Variants in EDA observed in about 807,000 individuals in gnomAD.
The protein encoded by EDA is ectodysplasin-A.
EDA carries 2 observed loss-of-function variants against 23.6 expected under a neutral mutation model. The observed-to-expected ratio is 0.08, with a 90% CI of 0.03 to 0.27. EDA has a LOEUF of 0.27. Ranked by LOEUF, EDA falls within the 10% of genes least tolerant of loss-of-function variation. The pLI, the probability that EDA is intolerant of heterozygous loss-of-function variation, is 1.00. For synonymous variants in EDA, 131 were observed against 132.0 expected (o/e 0.99, Z 0.05); for missense variants, 229 against 324.2 (o/e 0.71, Z 2.26).
intron 1 of EDA, among the ~76,000 whole-genome samples, chrX:69,805,511 TA>T (rs992634642): frequency 8.9e-6 from 1 of 111,971 alleles, no homozygotes; most frequent in Non-Finnish European, 1.9e-5. Context: ...TTTTTAGTTT[TA>T]TTTTTTTACC....
Position 69,770,169 on chromosome X carries a change from G to A in EDA, c.396+153465G>A, listed in dbSNP as rs2014587797. Among the ~76,000 whole-genome samples, 5 of 111,671 alleles carry A rather than the reference G, an allele frequency of 4.5e-5. 1 individual carries two copies. In the South Asian group the frequency reaches 1.8e-3, roughly 41 times the overall value. On this transcript the variant is annotated intron_variant, in intron 1 of 7. Coordinates refer to ENST00000374552, the MANE Select transcript of EDA (RefSeq NM_001399.5). ...GACATTGATCTATTTCCAGTTTTTG[G>A]CTATAATGATTTGAGCTTATGTGAA... is the stretch of plus-strand genomic sequence containing the variant.
intron 1 of EDA, among the ~76,000 whole-genome samples, chrX:69,657,607 A>G (rs1399078792): frequency 8.9e-6 from 1 of 112,246 alleles, no homozygotes; most frequent in Non-Finnish European, 1.9e-5. Flanking sequence ...ATAGTGGGAC[A>G]TCTTACATTT....
chrX:69,888,978 T>TATATATATATATATATATATATA lies in EDA; in HGVS notation c.397-68049_397-68048insATATATATATATATATATATATA, dbSNP rs1556026049. Among the ~76,000 whole-genome samples the TATATATATATATATATATATATA allele has an allele frequency of 1.2e-3, 20 of 16,013 alleles. 4 individuals are homozygous for TATATATATATATATATATATATA. Among genetic ancestry groups the TATATATATATATATATATATATA allele is most frequent in the South Asian group, 5.6e-3 (1 of 177 alleles). 13.9% of individuals were successfully genotyped at this position (16,013 alleles called of 115,157 possible). A position where few individuals can be genotyped will look rare whatever the true frequency, so the allele number is the denominator to read the frequency against. Reference sequence around the variant, plus strand: ...GTGGAATTGTTGTATTGTGGGGTAGTTATATATATATATATATATATATAT... The same window carrying TATATATATATATATATATATATA: ...GTGGAATTGTTGTATTGTGGGGTAGTATATATATATATATATATATATATATATATATATATATATATATATAT... On this transcript the variant is annotated intron_variant, in intron 1 of 7. Coordinates refer to ENST00000374552, the MANE Select transcript of EDA (RefSeq NM_001399.5).
intron 1 of EDA, among the ~76,000 whole-genome samples, chrX:69,653,130 G>C (rs1016808445): frequency 1.8e-5 from 2 of 111,808 alleles, no homozygotes; most frequent in African/African-American, 6.5e-5. Flanking sequence ...TCTTCCATTT[G>C]TTTGTATCCT....
Position 69,616,402 on chromosome X carries a change from G to T in EDA, c.94G>T (p.Ala32Ser). Residue 32 changes from alanine to serine, a missense_variant, in exon 1 of 8, where the codon GCC becomes TCC. Ala to Ser is a moderately conservative substitution (Grantham distance 99). This residue lies in a region of EDA where 54 missense variants were observed against 42.4 expected (regional missense o/e 1.27). Coordinates refer to ENST00000374552, the MANE Select transcript of EDA (RefSeq NM_001399.5). ...GGGCTGCGGGTGTGGCGGGGCCCCT[G>T]CCCGGGCGGGCGAAGGGAACAGCTG... ...SQGCGCGGAP[A>S]RAGEGNSCLL... The T allele has an allele frequency of 1.7e-6, 2 of 1,206,290 alleles. No homozygotes were observed. Among genetic ancestry groups the T allele is most frequent in the Non-Finnish European group, 2.2e-6 (2 of 894,431 alleles).
intron 2 of EDA, among the ~76,000 whole-genome samples, chrX:69,964,880 T>C (rs1002682699): frequency 8.9e-6 from 1 of 112,046 alleles, no homozygotes; most frequent in African/African-American, 3.2e-5. Flanking sequence ...AAGGAACTAC[T>C]ACAGCTTCCT....
At chrX:69,633,537 T>A (rs1319581685) in intron 1 of EDA, among the ~76,000 whole-genome samples, 2 of 111,963 alleles carry the variant, frequency 1.8e-5, no homozygotes, top group African/African-American at 6.5e-5. Context: ...CCATCCTCTA[T>A]CAACCACTAA....
At chrX:69,905,924 A>C (rs2018170703) in intron 1 of EDA, among the ~76,000 whole-genome samples, 1 of 111,470 alleles carries the variant, frequency 9.0e-6, no homozygotes. Flanking sequence ...GTAGGCATCC[A>C]ATAAATATTT....
chrX:69,918,513 T>C (rs1277477630), intron 1 of EDA, among the ~76,000 whole-genome samples: 1 of 112,212 alleles, frequency 8.9e-6, no homozygotes, highest in Non-Finnish European at 1.9e-5. Context: ...GCAAAGAAAT[T>C]GTTATTCTGA....
At chrX:69,979,902 A>G (rs181100448) in intron 2 of EDA, among the ~76,000 whole-genome samples, 47 of 109,462 alleles carry the variant, frequency 4.3e-4, no homozygotes, top group African/African-American at 1.6e-3. Flanking sequence ...CAATTCATCT[A>G]TTTTTTTTCT....
At chrX:69,724,828 A>G (rs181014280) in intron 1 of EDA, among the ~76,000 whole-genome samples, 1 of 112,122 alleles carries the variant, frequency 8.9e-6, no homozygotes, top group East Asian at 2.8e-4. Context: ...AAAAAAGTGA[A>G]CAAATTACTT....
Position 69,759,540 on chromosome X carries a change from C to T in EDA, c.396+142836C>T, listed in dbSNP as rs369648613. Reference sequence around the variant, plus strand: ...AATTCCAGTGAAACCCAGGAAGAACCGCATTAGTGATAGTCTGTAAGTATA... The same window carrying T: ...AATTCCAGTGAAACCCAGGAAGAACTGCATTAGTGATAGTCTGTAAGTATA... On this transcript the variant is annotated intron_variant, in intron 1 of 7. Transcript: ENST00000374552. 2.5e-3 allele frequency among the ~76,000 whole-genome samples: 284 copies of T among 111,554 alleles called. 1 individual carries two copies. The highest frequency in any genetic ancestry group is 6.3e-3 in the African/African-American group (193 of 30,735).
intron 1 of EDA, among the ~76,000 whole-genome samples, chrX:69,695,149 A>G (rs1329279387): frequency 2.7e-5 from 3 of 111,007 alleles, no homozygotes; most frequent in Admixed American, 9.6e-5. Flanking sequence ...GCAAAACCCT[A>G]TCTCTACTAA....
At position 69,853,101 on chromosome X, in the gene EDA, T is replaced by C. The variant is rs1369157677; in HGVS notation, c.397-103926T>C. ...AAATAGCAAACTACAGGAGCAGATC[T>C]ACAAATACAACAGAAATTATCAGAT... On this transcript the variant is annotated intron_variant, in intron 1 of 7. Transcript: ENST00000374552. Among the ~76,000 whole-genome samples the C allele has an allele frequency of 2.7e-5, 3 of 111,907 alleles. No homozygotes were observed. In the East Asian group the frequency reaches 8.4e-4, roughly 31 times the overall value.
intron 1 of EDA, among the ~76,000 whole-genome samples, chrX:69,837,058 A>G (rs1329490794): frequency 8.9e-6 from 1 of 111,778 alleles, no homozygotes; most frequent in African/African-American, 3.3e-5. Flanking sequence ...TTGTGGGTAT[A>G]TGGTAGCCAT....
intron 1 of EDA, chrX:69,617,000 T>C: frequency 2.4e-6 from 1 of 417,699 alleles, no homozygotes; most frequent in Non-Finnish European, 4.3e-6. Context: ...AGGAGGTGCC[T>C]GCGCTGCCCC....
At chrX:69,641,147 C>T (rs750746077) in intron 1 of EDA, among the ~76,000 whole-genome samples, 2 of 110,778 alleles carry the variant, frequency 1.8e-5, no homozygotes, top group East Asian at 2.8e-4. Context: ...TTTCCTGACA[C>T]ATAACTGCTA....
chrX:69,742,737 G>A (rs2013496431), intron 1 of EDA, among the ~76,000 whole-genome samples: 1 of 110,842 alleles, frequency 9.0e-6, no homozygotes, highest in African/African-American at 3.3e-5. Context: ...ACCATGCTCT[G>A]TTACAGTTTT....
At chrX:69,801,628 T>TTGTTACC (rs1339832060) in intron 1 of EDA, among the ~76,000 whole-genome samples, 1 of 111,847 alleles carries the variant, frequency 8.9e-6, no homozygotes, top group Non-Finnish European at 1.9e-5. Context: ...TGATAAGGGA[T>TTGTTACC]TGTTACCAAG....
Sources: allele counts gnomAD v4.1 joint callset (sites outside exome capture counted in the v4.1 genomes callset), GRCh38; gene constraint gnomAD v4.1.1; regional missense constraint gnomAD v4.1.1; transcripts MANE v1.5; gene names NCBI Gene and HGNC (gene_info 2026-07-23, HGNC 2026-07-21).